GNAO1: variants seen among roughly 807,000 people sequenced by gnomAD.
GNAO1 encodes the protein G protein subunit alpha o1.
For missense variants in GNAO1, 166 were observed against 478.7 expected, an observed-to-expected ratio of 0.35 and a Z score of 6.10; for synonymous variants, 164 against 180.7, an observed-to-expected ratio of 0.91 and a Z score of 0.74.
intron 2 of GNAO1, among the ~76,000 whole-genome samples, chr16:56,246,511 A>G (rs770816063): frequency 6.6e-6 from 1 of 152,154 alleles, no homozygotes; most frequent in Non-Finnish European, 1.5e-5. Flanking sequence ...GATCAAGTTC[A>G]GTGTCTCCTG....
intron 6 of GNAO1, among the ~76,000 whole-genome samples, chr16:56,341,253 G>A (rs2037800430): frequency 6.6e-6 from 1 of 152,222 alleles, no homozygotes; most frequent in African/African-American, 2.4e-5. Context: ...GAGCTCCACT[G>A]TCTGCGCACA....
At position 56,312,316 on chromosome 16, in the gene GNAO1, G is replaced by A. The variant is rs117792808; in HGVS notation, c.304-16315G>A. On this transcript the variant is annotated intron_variant, in intron 3 of 8. Transcript: ENST00000262493. ...TGTCTGAGTATAAAATGGGGGAAAC[G>A]ATAATACTTGTGAACATCAAATGGA... Among the ~76,000 whole-genome samples the A allele has an allele frequency of 4.3e-3, 653 of 152,342 alleles. 1 individual carries two copies. The highest frequency in any genetic ancestry group is 0.02 in the Middle Eastern group (6 of 294).
At chr16:56,320,322 G>T (rs1230821693) in intron 3 of GNAO1, among the ~76,000 whole-genome samples, 4 of 152,126 alleles carry the variant, frequency 2.6e-5, no homozygotes, top group Non-Finnish European at 4.4e-5. Flanking sequence ...CGTCCACTGG[G>T]TGGACAGCAG....
intron 2 of GNAO1, chr16:56,193,006 C>T: frequency 5.3e-6 from 1 of 187,846 alleles, no homozygotes; most frequent in South Asian, 1.1e-4. Flanking sequence ...ATTTCTTTCT[C>T]CTCTTCCCTC....
At chr16:56,287,295 C>T (rs1374789165) in intron 3 of GNAO1, among the ~76,000 whole-genome samples, 8 of 152,244 alleles carry the variant, frequency 5.3e-5, no homozygotes, top group African/African-American at 1.9e-4. Flanking sequence ...GTCAACACCT[C>T]GCTTCAAAGC....
chr16:56,285,744 A>G (rs2037160120), intron 3 of GNAO1, among the ~76,000 whole-genome samples: 1 of 152,236 alleles, frequency 6.6e-6, no homozygotes, highest in Non-Finnish European at 1.5e-5. Flanking sequence ...TAAAAAGACA[A>G]TTATAGGATT....
chr16:56,199,951 A>G (rs1161121311), intron 2 of GNAO1, among the ~76,000 whole-genome samples: 3 of 152,226 alleles, frequency 2.0e-5, no homozygotes, highest in Admixed American at 6.5e-5. Flanking sequence ...TTTGTCAACC[A>G]TCCTAGAAAT....
intron 2 of GNAO1, among the ~76,000 whole-genome samples, chr16:56,219,706 G>C (rs2036466833): frequency 6.6e-6 from 1 of 152,022 alleles, no homozygotes; most frequent in Non-Finnish European, 1.5e-5. Flanking sequence ...CCTGTCCATT[G>C]TCCCATTCCA....
chr16:56,243,311 T>C (rs1416319907), intron 2 of GNAO1, among the ~76,000 whole-genome samples: 1 of 152,142 alleles, frequency 6.6e-6, no homozygotes, highest in East Asian at 1.9e-4. Context: ...TTGTCTCCCA[T>C]GAAATTGGCC....
intron 6 of GNAO1, chr16:56,345,365 C>A: frequency 1.0e-6 from 1 of 985,554 alleles, no homozygotes; most frequent in Non-Finnish European, 1.2e-6. Context: ...GTTCTCCCTG[C>A]CCCCACTCTG....
chr16:56,293,176 G>A (rs2037248913), intron 3 of GNAO1, among the ~76,000 whole-genome samples: 1 of 152,264 alleles, frequency 6.6e-6, no homozygotes, highest in Non-Finnish European at 1.5e-5. Flanking sequence ...GACCTTGGAA[G>A]AAGAGATGAA....
chr16:56,242,106 A>G (rs1384069316), intron 2 of GNAO1, among the ~76,000 whole-genome samples: 2 of 152,342 alleles, frequency 1.3e-5, no homozygotes, highest in African/African-American at 2.4e-5. Context: ...GCAAACATGC[A>G]TTGGACTCTC....
intron 3 of GNAO1, among the ~76,000 whole-genome samples, chr16:56,310,675 A>C (rs2037448124): frequency 6.6e-6 from 1 of 152,188 alleles, no homozygotes; most frequent in Non-Finnish European, 1.5e-5. Flanking sequence ...GTCAGATGTC[A>C]AATAGGGAAC....
At chr16:56,229,845 G>A (rs1028451470) in intron 2 of GNAO1, among the ~76,000 whole-genome samples, 6 of 152,170 alleles carry the variant, frequency 3.9e-5, no homozygotes, top group Admixed American at 2.0e-4. Context: ...TGGAATGAAC[G>A]AAATCCTAGC....
intron 3 of GNAO1, among the ~76,000 whole-genome samples, chr16:56,321,571 A>G (rs1179182434): frequency 6.6e-6 from 1 of 152,208 alleles, no homozygotes; most frequent in African/African-American, 2.4e-5. Context: ...AGCCCAGAGC[A>G]TGTGTCCACC....
At chr16:56,192,512 C>A (rs1209333767) in intron 1 of GNAO1, 62 bp from the exon 2 acceptor site, 8 of 1,078,212 alleles carry the variant, frequency 7.4e-6, no homozygotes, top group East Asian at 4.7e-5. Context: ...TTAGTCCCCC[C>A]CTCCCCCTGT....
intron 2 of GNAO1, chr16:56,270,847 A>G (rs1328572166): frequency 6.6e-6 from 1 of 152,202 alleles, no homozygotes; most frequent in Non-Finnish European, 1.5e-5. Flanking sequence ...GGTTGGACCC[A>G]GGGGCTCAAA....
chr16:56,353,477 T>G (rs1596882837), intron 7 of GNAO1: 1 of 152,032 alleles, frequency 6.6e-6, no homozygotes, highest in African/African-American at 2.4e-5. Context: ...CCCCATGGAG[T>G]GCAAACCTGT....
At chr16:56,349,100 T>C (rs1212766881) in intron 6 of GNAO1, among the ~76,000 whole-genome samples, 2 of 152,288 alleles carry the variant, frequency 1.3e-5, no homozygotes, top group Admixed American at 6.5e-5. Flanking sequence ...GGCCCTGAGA[T>C]GTAGGGGCTG....
Sources: allele counts gnomAD v4.1 joint callset (sites outside exome capture counted in the v4.1 genomes callset), GRCh38; gene constraint gnomAD v4.1.1; transcripts MANE v1.5; gene names NCBI Gene and HGNC (gene_info 2026-07-23, HGNC 2026-07-21).